Variants in DRC3 observed in about 807,000 individuals in gnomAD.
DRC3 encodes the protein leucine rich repeat containing 48.
In DRC3, 45 loss-of-function variants were observed where a neutral mutation model predicts 57.6. The observed-to-expected ratio is 0.78, with a 90% CI of 0.62 to 1.00. DRC3 has a LOEUF of 1.00. Ranked by LOEUF, DRC3 falls within the 50% of genes least tolerant of loss-of-function variation. DRC3 has a pLI of 0.00. For synonymous variants in DRC3, 257 were observed against 272.3 expected (o/e 0.94, Z 0.55); for missense variants, 655 against 675.2 (o/e 0.97, Z 0.33).
rs561778395 is a variant in DRC3 at position 17,994,647 on chromosome 17, C to T, written c.711+229C>T. The stretch of plus-strand genomic sequence containing the variant: ...TACTCCTTACTGGCATTCCTGCCTC[C>T]AGCTGCTGGAGAGAATGTGCTAAAA... On this transcript the variant is annotated intron_variant, in intron 7 of 13. Transcript: ENST00000399187. Among the ~76,000 whole-genome samples the T allele has an allele frequency of 8.2e-4, 125 of 152,312 alleles. 1 individual carries two copies. The highest frequency in any genetic ancestry group is 3.4e-3 in the Middle Eastern group (1 of 294).
At chr17:18,006,994 C>T (rs2145425281) in intron 11 of DRC3, 30 bp from the exon 12 acceptor site, 2 of 1,611,818 alleles carry the variant, frequency 1.2e-6, no homozygotes, top group Non-Finnish European at 1.7e-6. Context: ...GCCTGCTCCT[C>T]CCGGGCCTTT....
intron 12 of DRC3, chr17:18,007,534 G>A (rs955012724): frequency 3.9e-6 from 6 of 1,531,412 alleles, no homozygotes; most frequent in Non-Finnish European, 5.3e-6. Flanking sequence ...TACTGTGGGG[G>A]TGTTGGAACC....
chr17:18,016,324 T>C, intron 13 of DRC3, 129 bp downstream of exon 13: 1 of 1,126,730 alleles, frequency 8.9e-7, no homozygotes, highest in South Asian at 1.5e-5. Flanking sequence ...TTAAGGATTA[T>C]AGAATTCCAC....
chr17:17,999,160 C>T (rs2043586277), intron 9 of DRC3, among the ~76,000 whole-genome samples: 1 of 152,220 alleles, frequency 6.6e-6, no homozygotes, highest in African/African-American at 2.4e-5. Context: ...AGGATATGGG[C>T]CATGCCAAGC....
At chr17:17,993,136 A>G in intron 6 of DRC3, 1 of 511,472 alleles carries the variant, frequency 2.0e-6, no homozygotes, top group East Asian at 3.6e-5. Context: ...CCTCTTCCAC[A>G]CACTGTCCCA....
At chr17:18,014,898 C>T (rs913913592) in intron 12 of DRC3, among the ~76,000 whole-genome samples, 2 of 152,208 alleles carry the variant, frequency 1.3e-5, no homozygotes, top group Admixed American at 6.5e-5. Flanking sequence ...CTTGACATTT[C>T]TCCCTTGTGA....
At chr17:18,007,293 G>A (rs1031005112) in intron 12 of DRC3, 146 bp downstream of exon 12, 1 of 1,193,744 alleles carries the variant, frequency 8.4e-7, no homozygotes, top group African/African-American at 1.5e-5. Flanking sequence ...GCTTTACAGG[G>A]TTGCTGGCAG....
intron 3 of DRC3, among the ~76,000 whole-genome samples, chr17:17,982,372 C>T (rs1273815793): frequency 2.0e-5 from 3 of 151,734 alleles, no homozygotes; most frequent in East Asian, 1.9e-4. Flanking sequence ...CCCGCCACCA[C>T]GCCCAGCTAA....
rs1257306966 is a variant in DRC3, at chr17:18,004,604, C to T, written c.1131+110C>T. The stretch of plus-strand genomic sequence containing the variant: ...CCTCTGCTGGAAACGTCCAGCACGA[C>T]TCAGCGTGGCAGGCTGTAGCTTTCT... On this transcript the variant is annotated intron_variant, in intron 10 of 13. Transcript: ENST00000399187. 11 of 1,237,642 alleles carry T rather than the reference C, an allele frequency of 8.9e-6. No individual in the cohort carries two copies. The Admixed American group carries it at 2.1e-4, about 23-fold the overall frequency. 76.7% of individuals were successfully genotyped at this position (1,237,642 alleles called of 1,614,324 possible). A position where few individuals can be genotyped will look rare whatever the true frequency, so the allele number is the denominator to read the frequency against.
intron 9 of DRC3, 76 bp downstream of exon 9, chr17:17,997,710 G>T: frequency 7.4e-7 from 1 of 1,344,830 alleles, no homozygotes; most frequent in Non-Finnish European, 1.0e-6. Flanking sequence ...CCCACTGTAG[G>T]GGGACTGCAA....
intron 5 of DRC3, 65 bp downstream of exon 5, chr17:17,988,163 G>C (rs757455386): frequency 5.3e-6 from 8 of 1,508,232 alleles, no homozygotes; most frequent in Non-Finnish European, 7.2e-6. Context: ...TGGGTTGAGT[G>C]GGGGTCTGTG....
chr17:17,990,332 C>G (rs980054909), intron 5 of DRC3, among the ~76,000 whole-genome samples: 1 of 152,240 alleles, frequency 6.6e-6, no homozygotes, highest in African/African-American at 2.4e-5. Flanking sequence ...GCATGCCAGA[C>G]AGGCAGCATC....
chr17:17,983,974 T>G, intron 4 of DRC3, 30 bp downstream of exon 4: 1 of 1,404,244 alleles, frequency 7.1e-7, no homozygotes, highest in Non-Finnish European at 1.0e-6. Context: ...GTGTCCACCC[T>G]AATCGAAGGT....
chr17:18,007,554 G>C, intron 12 of DRC3: 1 of 1,515,932 alleles, frequency 6.6e-7, no homozygotes, highest in East Asian at 2.5e-5. Flanking sequence ...CACCATTTCT[G>C]ATCCTGCACA....
At chr17:17,990,781 C>T (rs2043191205) in intron 5 of DRC3, among the ~76,000 whole-genome samples, 1 of 152,164 alleles carries the variant, frequency 6.6e-6, no homozygotes, top group South Asian at 2.1e-4. Context: ...CACTTGAGGT[C>T]AGGAATTCGA....
At chr17:18,009,399 T>C (rs1211877688) in intron 12 of DRC3, among the ~76,000 whole-genome samples, 2 of 152,124 alleles carry the variant, frequency 1.3e-5, no homozygotes, top group African/African-American at 4.8e-5. Context: ...CAAGACCCTG[T>C]CTCAAAAAAA....
chr17:17,973,372 G>A (rs930028114), intron 1 of DRC3, among the ~76,000 whole-genome samples: 14 of 152,040 alleles, frequency 9.2e-5, no homozygotes, highest in African/African-American at 3.4e-4. Context: ...TGTATATACC[G>A]CTTTGGATGT....
intron 4 of DRC3, among the ~76,000 whole-genome samples, chr17:17,986,080 T>A (rs936658487): frequency 6.6e-6 from 1 of 152,042 alleles, no homozygotes; most frequent in Non-Finnish European, 1.5e-5. Flanking sequence ...GGTGGCTAAT[T>A]TTTGTATTTT....
chr17:17,988,111 CCA>C lies in DRC3; in HGVS notation c.444+14_444+15del, dbSNP rs751216462. ...CAACATGATGAACGTGAGTGGCCGC[CCA>C]GCCCGCCCTCACGCACACCTGCAGA... On this transcript the variant is annotated intron_variant, in intron 5 of 13. Coordinates refer to ENST00000399187, the MANE Select transcript of DRC3 (RefSeq NM_031294.4). The C allele has an allele frequency of 8.7e-6, 14 of 1,611,360 alleles. No homozygotes were observed. Among genetic ancestry groups the C allele is most frequent in the Admixed American group, 1.7e-5 (1 of 59,770 alleles).
Sources: allele counts gnomAD v4.1 joint callset (sites outside exome capture counted in the v4.1 genomes callset), GRCh38; gene constraint gnomAD v4.1.1; transcripts MANE v1.5; gene names NCBI Gene and HGNC (gene_info 2026-07-23, HGNC 2026-07-21).